SYT9: variants seen among roughly 807,000 people sequenced by gnomAD.
SYT9 encodes synaptotagmin-9.
In SYT9, 22 loss-of-function variants were observed where a neutral mutation model predicts 48.4. That is an observed-to-expected ratio of 0.45 (90% confidence interval 0.32 to 0.65). The LOEUF is 0.65. SYT9 is among the 30% of genes least tolerant of loss of function. The pLI is 0.03. For synonymous variants in SYT9, 265 were observed against 245.0 expected, an observed-to-expected ratio of 1.08 and a Z score of -0.76; for missense variants, 577 against 622.0, an observed-to-expected ratio of 0.93 and a Z score of 0.77.
intron 3 of SYT9, among the ~76,000 whole-genome samples, chr11:7,337,940 C>G (rs1209446759): frequency 6.6e-6 from 1 of 152,164 alleles, no homozygotes; most frequent in Non-Finnish European, 1.5e-5. Flanking sequence ...GGAATTGCAC[C>G]AGCTCTTCTT....
chr11:7,384,829 C>G (rs1850627414), intron 3 of SYT9, among the ~76,000 whole-genome samples: 1 of 152,132 alleles, frequency 6.6e-6, no homozygotes, highest in African/African-American at 2.4e-5. Flanking sequence ...CTCTTTGTTT[C>G]TCACTATACT....
intron 3 of SYT9, among the ~76,000 whole-genome samples, chr11:7,415,646 T>G (rs1847229176): frequency 6.6e-6 from 1 of 152,108 alleles, no homozygotes; most frequent in African/African-American, 2.4e-5. Context: ...AGGCTCTGTG[T>G]GCATTGTAGT....
At position 7,252,155 on chromosome 11, in the gene SYT9, T is replaced by C. The variant is rs757896128; in HGVS notation, c.-32T>C. Reference sequence around the variant, plus strand: ...CGGAGGGCTGTCTCCTGCGCCCGCCTGCCCGGCGCGGTCCGAGGATGCGGG... The same window carrying C: ...CGGAGGGCTGTCTCCTGCGCCCGCCCGCCCGGCGCGGTCCGAGGATGCGGG... On this transcript the variant is annotated 5_prime_UTR_variant, in exon 1 of 7. Coordinates refer to ENST00000318881, the MANE Select transcript of SYT9 (RefSeq NM_175733.4). This position sits in a 1 kb window ranked among gnomAD's most constrained non-coding sequence, Gnocchi z 6.3. The C allele has an allele frequency of 7.9e-6, 11 of 1,398,042 alleles. No homozygotes were observed. Among genetic ancestry groups the C allele is most frequent in the Non-Finnish European group, 9.3e-6 (10 of 1,080,534 alleles). The allele number at this position is 1,398,042 out of a possible 1,614,324, so 86.6% of individuals were successfully genotyped here.
chr11:7,244,097 G>A lies in SYT9; in HGVS notation c.49+5181G>A, dbSNP rs568452539. 1.1e-4 allele frequency among the ~76,000 whole-genome samples: 17 copies of A among 152,242 alleles called. No individual in the cohort carries two copies. In the East Asian group the frequency reaches 3.3e-3, roughly 29 times the overall value. ...AAACCACGAGAATCTACTAAGAGAC[G>A]GCAGAGGAGTGCCAGGCCCTCCGAC... On this transcript the variant is annotated intron_variant and NMD_transcript_variant, in intron 1 of 8. Transcript: ENST00000524820.
intron 6 of SYT9, among the ~76,000 whole-genome samples, chr11:7,442,488 G>A (rs955300873): frequency 3.9e-5 from 6 of 152,210 alleles, no homozygotes; most frequent in African/African-American, 1.4e-4. Flanking sequence ...TGCCAACACT[G>A]TGACTCTAGA....
intron 3 of SYT9, among the ~76,000 whole-genome samples, chr11:7,363,296 A>G (rs1158202187): frequency 2.0e-5 from 3 of 152,308 alleles, no homozygotes; most frequent in East Asian, 1.9e-4. Context: ...ACATTGTCCA[A>G]TTAAATTGAG....
chr11:7,281,826 C>A (rs1848499111), intron 1 of SYT9, among the ~76,000 whole-genome samples: 1 of 152,188 alleles, frequency 6.6e-6, no homozygotes, highest in Non-Finnish European at 1.5e-5. Flanking sequence ...TTTCTCTCTT[C>A]CTGTTTTCTC....
At chr11:7,323,220 G>T (rs1347066796) in intron 3 of SYT9, among the ~76,000 whole-genome samples, 1 of 152,048 alleles carries the variant, frequency 6.6e-6, no homozygotes, top group Non-Finnish European at 1.5e-5. Context: ...GAATGGAGTT[G>T]CTAGGTTGAA....
At chr11:7,371,379 A>C (rs1850359075) in intron 3 of SYT9, among the ~76,000 whole-genome samples, 2 of 152,098 alleles carry the variant, frequency 1.3e-5, no homozygotes, top group African/African-American at 4.8e-5. Context: ...TCATCTAATA[A>C]AATTTTGTAA....
chr11:7,414,998 TC>T (rs1293477572), intron 3 of SYT9, among the ~76,000 whole-genome samples: 1 of 152,172 alleles, frequency 6.6e-6, no homozygotes, highest in East Asian at 1.9e-4. Context: ...TTTTTTTCCC[TC>T]CTTTCTGGTT....
At chr11:7,397,715 G>A (rs981499092) in intron 3 of SYT9, among the ~76,000 whole-genome samples, 1 of 152,030 alleles carries the variant, frequency 6.6e-6, no homozygotes, top group African/African-American at 2.4e-5. Context: ...GTAGTTTTCA[G>A]CATATAGGTC....
At chr11:7,416,524 G>A (rs529244621) in intron 4 of SYT9, among the ~76,000 whole-genome samples, 36 of 152,166 alleles carry the variant, frequency 2.4e-4, no homozygotes, top group African/African-American at 8.7e-4. Context: ...TTCAACCAAC[G>A]ATGGATTAAA....
chr11:7,317,415 A>T (rs1181547026), intron 3 of SYT9, among the ~76,000 whole-genome samples: 2 of 151,928 alleles, frequency 1.3e-5, no homozygotes, highest in African/African-American at 4.8e-5. Context: ...GTTTCAGCAG[A>T]CTCCATTCCT....
rs1260709219 is a variant in SYT9, at chr11:7,468,591, T to C, written c.*1791T>C. ...GCCACCAGGATAGTTAGCAGAAATA[T>C]TGTCTGTAAAGCTAGGCAGATGAGC... On this transcript the variant is annotated 3_prime_UTR_variant, in exon 7 of 7. Coordinates refer to ENST00000318881, the MANE Select transcript of SYT9 (RefSeq NM_175733.4). The C allele has an allele frequency of 1.5e-5, 5 of 327,154 alleles. No homozygotes were observed. Among genetic ancestry groups the C allele is most frequent in the East Asian group, 4.8e-5 (1 of 20,986 alleles). 20.3% of individuals were successfully genotyped at this position (327,154 alleles called of 1,614,324 possible).
intron 6 of SYT9, among the ~76,000 whole-genome samples, chr11:7,459,690 G>A (rs897316459): frequency 1.3e-5 from 2 of 152,160 alleles, no homozygotes; most frequent in Non-Finnish European, 2.9e-5. Context: ...GTTAAGATGA[G>A]CTTATGCTGG....
At chr11:7,407,421 C>T (rs1230932628) in intron 3 of SYT9, among the ~76,000 whole-genome samples, 3 of 44,066 alleles carry the variant, frequency 6.8e-5, no homozygotes, top group African/African-American at 3.8e-4. Context: ...TCGCCCAGGC[C>T]GGACTGCGGA....
At chr11:7,304,638 T>A (rs901953185) in intron 2 of SYT9, among the ~76,000 whole-genome samples, 1 of 152,248 alleles carries the variant, frequency 6.6e-6, no homozygotes, top group African/African-American at 2.4e-5. Flanking sequence ...TATTTTAGCA[T>A]CATTTTCAAT....
intron 6 of SYT9, among the ~76,000 whole-genome samples, chr11:7,446,647 C>G (rs771739498): frequency 6.6e-6 from 1 of 152,212 alleles, no homozygotes; most frequent in African/African-American, 2.4e-5. Context: ...AAAGCCCTCC[C>G]TGGCCATCCC....
intron 3 of SYT9, among the ~76,000 whole-genome samples, chr11:7,351,974 T>G (rs1402881781): frequency 6.6e-6 from 1 of 151,458 alleles, no homozygotes; most frequent in Non-Finnish European, 1.5e-5. Flanking sequence ...AGGATGGGAG[T>G]GGGAGGGCAC....
Sources: gnomAD v4.1 joint callset for allele counts (sites outside exome capture counted in the v4.1 genomes callset) on GRCh38, gnomAD v4.1.1 for gene constraint, Gnocchi (gnomAD v3.1) non-coding constraint, MANE v1.5 for transcripts, NCBI Gene and HGNC (gene_info 2026-07-23, HGNC 2026-07-21) for gene names.